The following CAST variants were observed in gnomAD, a reference collection of about 807,000 sequenced individuals.
CAST encodes MIR583 host.
A neutral mutation model predicts 119.6 loss-of-function variants in CAST; 76 were observed. The observed-to-expected ratio is 0.64, with a 90% CI of 0.53 to 0.77. The LOEUF (loss-of-function observed/expected upper bound fraction) is 0.77. CAST is among the 30% of genes least tolerant of loss of function. CAST has a pLI of 0.00. For missense variants in CAST, 953 were observed against 946.5 expected, an observed-to-expected ratio of 1.01 and a Z score of -0.09; for synonymous variants, 319 against 331.6, an observed-to-expected ratio of 0.96 and a Z score of 0.41.
intron 1 of CAST, among the ~76,000 whole-genome samples, chr5:96,545,789 G>A (rs759705074): frequency 6.6e-6 from 1 of 152,200 alleles, no homozygotes; most frequent in African/African-American, 2.4e-5. Context: ...CATACATGGA[G>A]TGTGCCATTT....
At chr5:96,771,823 T>C in intron 31 of CAST, 121 bp downstream of exon 31, 1 of 586,324 alleles carries the variant, frequency 1.7e-6, no homozygotes, top group Non-Finnish European at 3.1e-6. Context: ...AGTATTGGCA[T>C]GAAATGCATA....
At chr5:96,325,944 A>G in the CAST span, among the ~76,000 whole-genome samples, 1 of 152,198 alleles carries the variant, frequency 6.6e-6, no homozygotes, top group Non-Finnish European at 1.5e-5. Flanking sequence ...GTCTCTCCAC[A>G]TATCTAAGGG....
the CAST span, among the ~76,000 whole-genome samples, chr5:96,480,083 G>A: frequency 6.6e-6 from 1 of 152,136 alleles, no homozygotes; most frequent in South Asian, 2.1e-4. Context: ...AATCCTAAGA[G>A]CTTTGGAAAA....
the CAST span, among the ~76,000 whole-genome samples, chr5:96,215,841 T>A: frequency 6.6e-6 from 1 of 152,208 alleles, no homozygotes; most frequent in Non-Finnish European, 1.5e-5. Context: ...AGAGTCTTGC[T>A]CTGTCACCCA....
At chr5:96,526,720 C>T (rs1014745804), upstream of CAST, among the ~76,000 whole-genome samples, 6 of 152,106 alleles carry the variant, frequency 3.9e-5, no homozygotes, top group African/African-American at 7.2e-5. Context: ...AACACTGGAC[C>T]CCAGGTTGCT....
the CAST span, among the ~76,000 whole-genome samples, chr5:96,033,252 G>C: frequency 6.6e-6 from 1 of 151,922 alleles, no homozygotes; most frequent in African/African-American, 2.4e-5. Context: ...ACTACCCAAA[G>C]AGATCAACGT....
At chr5:96,407,339 G>T in the CAST span, among the ~76,000 whole-genome samples, 1 of 151,946 alleles carries the variant, frequency 6.6e-6, no homozygotes, top group East Asian at 1.9e-4. Flanking sequence ...AGAGCTGAAG[G>T]GTATGAAATA....
At chr5:96,274,214 G>A in the CAST span, among the ~76,000 whole-genome samples, 7 of 151,636 alleles carry the variant, frequency 4.6e-5, no homozygotes, top group Admixed American at 1.3e-4. Flanking sequence ...CCATTCTCCT[G>A]CCTCAGCCTC....
chr5:96,170,884 A>G, the CAST span, among the ~76,000 whole-genome samples: 5 of 152,118 alleles, frequency 3.3e-5, no homozygotes, highest in Admixed American at 1.3e-4. Flanking sequence ...GGGTGTGAGG[A>G]GGAGAGGTGA....
chr5:95,976,894 G>C, the CAST span, among the ~76,000 whole-genome samples: 1 of 152,060 alleles, frequency 6.6e-6, no homozygotes, highest in Non-Finnish European at 1.5e-5. Context: ...TGGTGTATTT[G>C]GCTGCCATAT....
chr5:96,236,425 C>T, the CAST span, among the ~76,000 whole-genome samples: 1 of 152,154 alleles, frequency 6.6e-6, no homozygotes, highest in African/African-American at 2.4e-5. Context: ...AGGAGCAAGG[C>T]TCACTACTTA....
chr5:96,178,027 A>G, the CAST span, among the ~76,000 whole-genome samples: 1 of 152,242 alleles, frequency 6.6e-6, no homozygotes, highest in Non-Finnish European at 1.5e-5. Context: ...ATACCAACAC[A>G]ACCAAGATCA....
the CAST span, among the ~76,000 whole-genome samples, chr5:96,034,462 T>TACAC: frequency 0.087 from 8,843 of 101,756 alleles, 714 homozygotes; most frequent in East Asian, 0.18. Flanking sequence ...GTATATATCA[T>TACAC]ACACACACAC....
the CAST span, among the ~76,000 whole-genome samples, chr5:96,419,447 C>CTCCCTCTCTCTCTT: frequency 0.024 from 3,583 of 148,174 alleles, 142 homozygotes; most frequent in African/African-American, 0.084. Flanking sequence ...CTCTCTCTCT[C>CTCCCTCTCTCTCTT]TATATATATA....
At chr5:96,765,460 G>GA in intron 26 of CAST, 135 bp downstream of exon 26, 1 of 592,116 alleles carries the variant, frequency 1.7e-6, no homozygotes, top group Non-Finnish European at 3.0e-6. Context: ...TAATGAAATA[G>GA]AAAAATCAAT....
the CAST span, among the ~76,000 whole-genome samples, chr5:96,495,289 T>G: frequency 6.6e-6 from 1 of 152,122 alleles, no homozygotes; most frequent in African/African-American, 2.4e-5. Context: ...CTGGGATGTA[T>G]GTGCAGAACA....
intron 1 of CAST, among the ~76,000 whole-genome samples, chr5:96,617,055 G>A (rs1439987752): frequency 1.3e-5 from 2 of 152,082 alleles, no homozygotes; most frequent in Admixed American, 6.5e-5. Flanking sequence ...TTGAATCATA[G>A]GCTAACACAC....
chr5:96,183,181 T>TAAC, the CAST span, among the ~76,000 whole-genome samples: 788 of 147,778 alleles, frequency 5.3e-3, 8 homozygotes, highest in East Asian at 0.058. Flanking sequence ...ATAATAATAA[T>TAAC]AATAATAATA....
chr5:96,170,519 GTTAA>G, the CAST span, among the ~76,000 whole-genome samples: 5 of 152,184 alleles, frequency 3.3e-5, no homozygotes, highest in East Asian at 9.6e-4. Context: ...TGAAAGCGAG[GTTAA>G]TTAAGTGCTA....
Sources: gnomAD v4.1 joint callset for allele counts (sites outside exome capture counted in the v4.1 genomes callset) on GRCh38, gnomAD v4.1.1 for gene constraint, MANE v1.5 for transcripts, NCBI Gene and HGNC (gene_info 2026-07-23, HGNC 2026-07-21) for gene names.